Variants in ANKRD31 observed in about 807,000 individuals in gnomAD.
The protein encoded by ANKRD31 is ankyrin repeat domain-containing protein 31.
ANKRD31 carries 147 observed loss-of-function variants against 186.0 expected under a neutral mutation model. The ratio of observed to expected loss-of-function variants is 0.79; its 90% CI spans 0.69 to 0.91. ANKRD31 has a LOEUF of 0.91. Ranked by LOEUF, ANKRD31 falls within the 40% of genes least tolerant of loss-of-function variation. The pLI, the probability that ANKRD31 is intolerant of heterozygous loss-of-function variation, is 0.00. For missense variants in ANKRD31, 1,986 were observed against 2,148.8 expected (o/e 0.92, Z 1.50); for synonymous variants, 673 against 736.4 (o/e 0.91, Z 1.39).
chr5:75,149,671 C>T (rs1234497313), intron 12 of ANKRD31, among the ~76,000 whole-genome samples: 1 of 151,734 alleles, frequency 6.6e-6, no homozygotes. Flanking sequence ...CCATAAAATG[C>T]CCATAAATGA....
chr5:75,132,153 G>A (rs1316666126), intron 17 of ANKRD31, among the ~76,000 whole-genome samples: 1 of 152,252 alleles, frequency 6.6e-6, no homozygotes, highest in Non-Finnish European at 1.5e-5. Flanking sequence ...AGCAAAGATG[G>A]ACAGAGAATG....
chr5:75,172,360 C>A (rs1753394513), intron 10 of ANKRD31, among the ~76,000 whole-genome samples: 1 of 115,984 alleles, frequency 8.6e-6, no homozygotes. Context: ...AGCATAAACT[C>A]TATTTAAAAA....
At chr5:75,115,034 A>G (rs1416212590) in intron 19 of ANKRD31, among the ~76,000 whole-genome samples, 3 of 152,174 alleles carry the variant, frequency 2.0e-5, no homozygotes, top group Non-Finnish European at 4.4e-5. Context: ...TAACCAAAAC[A>G]GCATGGTATT....
intron 24 of ANKRD31, among the ~76,000 whole-genome samples, chr5:75,082,919 A>C (rs1745195693): frequency 6.6e-6 from 1 of 152,230 alleles, no homozygotes; most frequent in African/African-American, 2.4e-5. Flanking sequence ...TGGGAATGCA[A>C]AATGATTCAG....
chr5:75,091,180 C>T, intron 23 of ANKRD31, 81 bp downstream of exon 23: 2 of 1,431,282 alleles, frequency 1.4e-6, no homozygotes, highest in Non-Finnish European at 1.8e-6. Context: ...TTTCAGATTT[C>T]CTTAAAAAAT....
chr5:75,128,299 C>T (rs1266330210), intron 17 of ANKRD31, among the ~76,000 whole-genome samples: 2 of 142,398 alleles, frequency 1.4e-5, no homozygotes, highest in Non-Finnish European at 3.0e-5. Context: ...AGGAGAAATA[C>T]CTAATGTAGA....
At chr5:75,218,406 AT>A (rs1323696876) in intron 3 of ANKRD31, among the ~76,000 whole-genome samples, 1 of 152,204 alleles carries the variant, frequency 6.6e-6, no homozygotes, top group African/African-American at 2.4e-5. Flanking sequence ...AAGAAATTGA[AT>A]ACTTAAACAG....
rs1580528930 is a variant in ANKRD31 at position 75,192,691 on chromosome 5, T to A, written c.1384A>T (p.Asn462Tyr). 1 of 1,532,838 alleles carries A rather than the reference T, an allele frequency of 6.5e-7. No individual in the cohort carries two copies. Among genetic ancestry groups the A allele is most frequent in the East Asian group, 2.5e-5 (1 of 40,692 alleles). The allele number at this position is 1,532,838 out of a possible 1,614,324, so 95.0% of individuals were successfully genotyped here. A position where few individuals can be genotyped will look rare whatever the true frequency, so the allele number is the denominator to read the frequency against. ...RFKNGKQIRK[N>Y]EQFSGKKEKM... ...CCTTTTTTTCCTGAAAATTGTTCAT[T>A]TTTCCTGATCTGTTTTCCATTCTTG... Residue 462 changes from asparagine to tyrosine, a missense_variant, in exon 9 of 26, where the codon AAT (asparagine) becomes TAT (tyrosine). Coordinates refer to ENST00000506364, the MANE Select transcript of ANKRD31 (RefSeq NM_001372053.1).
At chr5:75,226,910 A>C (rs1332670618) in intron 2 of ANKRD31, among the ~76,000 whole-genome samples, 1 of 151,780 alleles carries the variant, frequency 6.6e-6, no homozygotes, top group Non-Finnish European at 1.5e-5. Context: ...CAGCAATCCC[A>C]CTCCTAGGTA....
At chr5:75,116,265 G>C (rs1451129491) in intron 19 of ANKRD31, among the ~76,000 whole-genome samples, 7 of 114,382 alleles carry the variant, frequency 6.1e-5, no homozygotes, top group Admixed American at 1.0e-4. Context: ...GTTGTGGGGT[G>C]GGGGGAGGGG....
chr5:75,228,857 A>G (rs1757787758), intron 2 of ANKRD31, among the ~76,000 whole-genome samples: 1 of 152,186 alleles, frequency 6.6e-6, no homozygotes, highest in Admixed American at 6.5e-5. Context: ...CATCCTGGAG[A>G]TCAATATTAC....
intron 6 of ANKRD31, among the ~76,000 whole-genome samples, chr5:75,197,705 A>G (rs1349411011): frequency 6.6e-6 from 1 of 152,210 alleles, no homozygotes; most frequent in Non-Finnish European, 1.5e-5. Context: ...AGGTATAATA[A>G]AGTATATACA....
rs1755249096 is a variant in ANKRD31, at chr5:75,193,420, T to C, written c.1189A>G (p.Arg397Gly). The C allele has an allele frequency of 6.5e-7, 1 of 1,537,216 alleles. No homozygotes were observed. The highest frequency in any genetic ancestry group is 2.0e-5 in the Admixed American group (1 of 50,968). ...SSRLEKLKVS[R>G]DAKYSDHMYK... ...ATGTGATCTGAGTACTTTGCATCTCTGCTTACTTTCAGTTTTTCTAGTCTG... is the reference window on the plus strand; with the variant it reads ...ATGTGATCTGAGTACTTTGCATCTCCGCTTACTTTCAGTTTTTCTAGTCTG... Residue 397 changes from arginine (R) to glycine (G), a missense_variant, in exon 8 of 26, where the codon AGA (arginine) becomes GGA (glycine). Transcript: ENST00000506364.
At chr5:75,085,061 C>A (rs1211631177) in intron 23 of ANKRD31, among the ~76,000 whole-genome samples, 2 of 152,094 alleles carry the variant, frequency 1.3e-5, no homozygotes, top group East Asian at 3.9e-4. Flanking sequence ...AACATACCTC[C>A]AGAGGTTAGT....
chr5:75,131,425 CTG>C, intron 17 of ANKRD31, among the ~76,000 whole-genome samples: 1 of 152,332 alleles, frequency 6.6e-6, no homozygotes, highest in Admixed American at 6.5e-5. Context: ...GCACAGCAGT[CTG>C]AGATCAAACT....
chr5:75,219,804 G>T (rs1757174150), intron 3 of ANKRD31, among the ~76,000 whole-genome samples: 1 of 152,110 alleles, frequency 6.6e-6, no homozygotes, highest in Non-Finnish European at 1.5e-5. Context: ...ATAAACAAAT[G>T]GAACAGAAGA....
rs78046164 is a variant in ANKRD31 at position 75,072,353 on chromosome 5, CT to C, written c.5648-3690del. Among the ~76,000 whole-genome samples, 175 of 148,504 alleles carry C rather than the reference CT, an allele frequency of 1.2e-3. 2 individuals carry two copies. In the East Asian group the frequency reaches 0.026, roughly 22 times the overall value. ...TAAGGGGACAGACAGCTAGGAAGCC[CT>C]TTTTTTTTTGCCTCCCTACTTTCCT... On this transcript the variant is annotated intron_variant, in intron 25 of 25. Coordinates refer to ENST00000506364, the MANE Select transcript of ANKRD31 (RefSeq NM_001372053.1).
In ANKRD31 at chr5:75,147,575, T is replaced by C. The variant is rs866520029; in HGVS notation, c.1906-70A>G. 12 of 1,025,508 alleles carry C rather than the reference T, an allele frequency of 1.2e-5. No homozygotes were observed. In the East Asian group the frequency reaches 1.6e-4, roughly 14 times the overall value. 63.5% of individuals were successfully genotyped at this position (1,025,508 alleles called of 1,614,324 possible). On this transcript the variant is annotated intron_variant, in intron 13 of 25. Coordinates refer to ENST00000506364, the MANE Select transcript of ANKRD31 (RefSeq NM_001372053.1). The stretch of plus-strand genomic sequence containing the variant: ...TACTATATCAATTCAATCTGGATTA[T>C]TGATAAATCAACTATTATTTGATTC...
Position 75,169,074 on chromosome 5 carries a change from C to A in ANKRD31, c.1612G>T (p.Ala538Ser), listed in dbSNP as rs751406829. ...GCTCCACCTTTTAATAGTTCACTTG[C>A]TGTCCGATAAAATCCTCCTACACTA... ...EASVGGFYRTASELLKGGADV... is the reference protein window; with the variant it reads ...EASVGGFYRTSSELLKGGADV... Residue 538 changes from alanine (A) to serine (S), a missense_variant, in exon 11 of 26, where the codon GCA becomes TCA. Transcript: ENST00000506364. 2 of 1,537,000 alleles carry A rather than the reference C, an allele frequency of 1.3e-6. No homozygotes were observed. Among genetic ancestry groups the A allele is most frequent in the Non-Finnish European group, 1.7e-6 (2 of 1,146,572 alleles).
Sources: allele counts gnomAD v4.1 joint callset (sites outside exome capture counted in the v4.1 genomes callset), GRCh38; gene constraint gnomAD v4.1.1; transcripts MANE v1.5; gene names NCBI Gene and HGNC (gene_info 2026-07-23, HGNC 2026-07-21).